Variants in USP7 observed in about 807,000 individuals in gnomAD.
USP7 encodes the protein ubiquitin C-terminal hydrolase 7.
A neutral mutation model predicts 162.9 loss-of-function variants in USP7; 9 were observed. The ratio of observed to expected loss-of-function variants is 0.06; its 90% CI spans 0.03 to 0.10. The LOEUF (loss-of-function observed/expected upper bound fraction) is 0.10. USP7 is among the 10% of genes least tolerant of loss of function. The pLI, the probability that USP7 is intolerant of heterozygous loss-of-function variation, is 1.00. For missense variants in USP7, 715 were observed against 1,373.7 expected (o/e 0.52, Z 7.58); for synonymous variants, 562 against 475.9 (o/e 1.18, Z -2.35).
Position 8,892,614 on chromosome 16 carries a change from A to G in USP7, c.*1384T>C, listed in dbSNP as rs1375405756. ...TGTGACTAGTTAGAGGCTAAAAAAA[A>G]AAAAAAAAAAAAAAAGAAACAAGAG... On this transcript the variant is annotated 3_prime_UTR_variant, in exon 31 of 31. Coordinates refer to ENST00000344836, the MANE Select transcript of USP7 (RefSeq NM_003470.3). 6.7e-6 allele frequency: 1 copy of G among 149,744 alleles called. No homozygotes were observed. Among genetic ancestry groups the G allele is most frequent in the African/African-American group, 2.4e-5 (1 of 41,044 alleles). 9.3% of individuals were successfully genotyped at this position (149,744 alleles called of 1,614,324 possible). A position where few individuals can be genotyped will look rare whatever the true frequency, so the allele number is the denominator to read the frequency against.
chr16:8,940,725 G>A (rs1169625000), intron 1 of USP7, among the ~76,000 whole-genome samples: 1 of 152,216 alleles, frequency 6.6e-6, no homozygotes, highest in Non-Finnish European at 1.5e-5. Context: ...GCTGTGGAGT[G>A]AGATCAATCC....
intron 8 of USP7, 67 bp from the exon 9 acceptor site, chr16:8,915,592 A>G (rs2062015526): frequency 2.3e-6 from 3 of 1,324,022 alleles, no homozygotes; most frequent in African/African-American, 3.0e-5. Flanking sequence ...GTAATTTTAT[A>G]ATTGACTAGA....
Position 8,933,782 on chromosome 16 carries a change from G to T in USP7, c.80-3385C>A, listed in dbSNP as rs186951439. Reference sequence around the variant, plus strand: ...ACTTTTTTTTTTTTTTTGAGATGGAGTCTTCCTCTATCTCCCAGGCTGGAG... The same window carrying T: ...ACTTTTTTTTTTTTTTTGAGATGGATTCTTCCTCTATCTCCCAGGCTGGAG... On this transcript the variant is annotated intron_variant, in intron 1 of 30. Transcript: ENST00000344836. Among the ~76,000 whole-genome samples the T allele has an allele frequency of 2.6e-3, 392 of 149,390 alleles. 1 individual carries two copies. The highest frequency in any genetic ancestry group is 9.0e-3 in the African/African-American group (364 of 40,484).
At chr16:8,947,552 T>C (rs1381874342) in intron 1 of USP7, among the ~76,000 whole-genome samples, 1 of 152,220 alleles carries the variant, frequency 6.6e-6, no homozygotes, top group Non-Finnish European at 1.5e-5. Context: ...TTCACCATGT[T>C]GCCCAGGCTC....
chr16:8,908,519 G>A (rs2061894528), intron 11 of USP7, 69 bp from the exon 12 acceptor site: 7 of 1,371,906 alleles, frequency 5.1e-6, no homozygotes, highest in Non-Finnish European at 6.1e-6. Flanking sequence ...GAAAGCAACA[G>A]CGGTTCAGCA....
intron 1 of USP7, 40 bp from the exon 2 acceptor site, chr16:8,930,437 A>G: frequency 6.7e-7 from 1 of 1,489,738 alleles, no homozygotes; most frequent in African/African-American, 1.4e-5. Flanking sequence ...TTTTACATTC[A>G]TGGCTTTAAT....
chr16:8,956,298 T>C (rs1299439998), intron 1 of USP7: 1 of 152,234 alleles, frequency 6.6e-6, no homozygotes, highest in African/African-American at 2.4e-5. Flanking sequence ...CCAAAGAGAA[T>C]GATCACCACC....
At chr16:8,945,437 G>C (rs1899234018) in intron 1 of USP7, among the ~76,000 whole-genome samples, 1 of 152,134 alleles carries the variant, frequency 6.6e-6, no homozygotes, top group East Asian at 1.9e-4. Context: ...GAGTAGCAAA[G>C]GAAATCTTGT....
rs1437674389 is a variant in USP7 at position 8,894,061 on chromosome 16, G to C, written c.3246C>G (p.Phe1082Leu). ...AGCGACTCCTCTTTGGGGCTTTGTT[G>C]AAGTGGTCGAGCCCTAGCCAAGGCC... is the stretch of plus-strand genomic sequence containing the variant. ...HPRPWLGLDHFNKAPKRSRYT... is the reference protein window; with the variant it reads ...HPRPWLGLDHLNKAPKRSRYT... Residue 1082 changes from phenylalanine (F) to leucine (L), a missense_variant, in exon 31 of 31, where the codon TTC (phenylalanine) becomes TTG (leucine). By Grantham distance (22) the Phe-to-Leu change is conservative (BLOSUM62 0). Transcript: ENST00000344836. 2 of 1,614,042 alleles carry C rather than the reference G, an allele frequency of 1.2e-6. No homozygotes were observed. The highest frequency in any genetic ancestry group is 1.3e-5 in the African/African-American group (1 of 74,908).
rs1035232726 is a variant in USP7, at chr16:8,902,539, T to C, written c.1840-57A>G. ...AAAACACGCTCATATTTTAGTCCTC[T>C]ATATTACACACACATATGTATATAC... On this transcript the variant is annotated intron_variant, in intron 16 of 30. Transcript: ENST00000344836. 22 of 1,395,754 alleles carry C rather than the reference T, an allele frequency of 1.6e-5. No individual in the cohort carries two copies. In the Admixed American group the frequency reaches 4.1e-4, roughly 26 times the overall value. The allele number at this position is 1,395,754 out of a possible 1,614,324, so 86.5% of individuals were successfully genotyped here.
At chr16:8,921,500 T>A (rs1050577275) in intron 3 of USP7, among the ~76,000 whole-genome samples, 1 of 152,252 alleles carries the variant, frequency 6.6e-6, no homozygotes, top group African/African-American at 2.4e-5. Flanking sequence ...TATTCTGTAG[T>A]GATTTCACTC....
chr16:8,894,267 C>A (rs1567203078), intron 30 of USP7, among the ~76,000 whole-genome samples, 163 bp from the exon 31 acceptor site: 1 of 152,214 alleles, frequency 6.6e-6, no homozygotes, highest in Non-Finnish European at 1.5e-5. Context: ...AGGAGGCCCA[C>A]ACCCTGACTG....
Position 8,930,289 on chromosome 16 carries a change from T to C in USP7, c.184+4A>G, listed in dbSNP as rs1442525220. ...CTGCGAGGCGGTGAACCACAGGCAC[T>C]TACCATCCTCCATGTCCTCCTCCGC... On this transcript the variant is annotated splice_donor_region_variant and intron_variant, in intron 2 of 30. Transcript: ENST00000344836. 7 of 1,608,866 alleles carry C rather than the reference T, an allele frequency of 4.4e-6. No individual in the cohort carries two copies. The highest frequency in any genetic ancestry group is 5.9e-6 in the Non-Finnish European group (7 of 1,177,406).
chr16:8,954,911 G>C (rs962023887), intron 1 of USP7, among the ~76,000 whole-genome samples: 1 of 152,164 alleles, frequency 6.6e-6, no homozygotes, highest in African/African-American at 2.4e-5. Flanking sequence ...AGTGAGCCAA[G>C]ATCGTGCCAC....
chr16:8,906,312 T>C (rs1035068829), intron 13 of USP7, 114 bp downstream of exon 13: 12 of 1,223,684 alleles, frequency 9.8e-6, no homozygotes, highest in Admixed American at 7.4e-5. Context: ...AGAGAATACA[T>C]AGATCAGTTA....
At chr16:8,910,129 T>A (rs1383801334) in intron 11 of USP7, among the ~76,000 whole-genome samples, 2 of 152,108 alleles carry the variant, frequency 1.3e-5, no homozygotes, top group Non-Finnish European at 2.9e-5. Context: ...GTCAAGGTTA[T>A]AAGATTACAA....
chr16:8,955,704 C>CAAAAAAAAAAAAAAAAAAAAA (rs58029349), intron 1 of USP7, among the ~76,000 whole-genome samples: 1 of 100,974 alleles, frequency 9.9e-6, no homozygotes, highest in Non-Finnish European at 1.9e-5. Flanking sequence ...GATTCCATCT[C>CAAAAAAAAAAAAAAAAAAAAA]AAAAAAAAAA....
intron 6 of USP7, 33 bp downstream of exon 6, chr16:8,918,998 G>A: frequency 6.2e-7 from 1 of 1,605,278 alleles, no homozygotes; most frequent in Non-Finnish European, 8.5e-7. Context: ...AGGGTGAGCG[G>A]AAGGCTGCAG....
chr16:8,936,708 T>C (rs1250862796), intron 1 of USP7: 6 of 1,431,818 alleles, frequency 4.2e-6, no homozygotes, highest in Middle Eastern at 2.1e-4. Context: ...GAGCTCTACC[T>C]CAGCATTCTT....
Sources: allele counts gnomAD v4.1 joint callset (sites outside exome capture counted in the v4.1 genomes callset), GRCh38; gene constraint gnomAD v4.1.1; transcripts MANE v1.5; gene names NCBI Gene and HGNC (gene_info 2026-07-23, HGNC 2026-07-21).